The following IQGAP3 variants were observed in gnomAD, a reference collection of about 807,000 sequenced individuals.
IQGAP3 encodes the protein IQ motif containing GTPase activating protein 3.
IQGAP3 carries 165 observed loss-of-function variants against 208.2 expected under a neutral mutation model. The observed-to-expected ratio is 0.79, with a 90% CI of 0.70 to 0.90. IQGAP3 has a LOEUF of 0.90. IQGAP3 is among the 40% of genes least tolerant of loss of function. The pLI is 0.00. For synonymous variants in IQGAP3, 703 were observed against 803.6 expected, an observed-to-expected ratio of 0.87 and a Z score of 2.12; for missense variants, 1,811 against 2,043.1, an observed-to-expected ratio of 0.89 and a Z score of 2.19.
intron 4 of IQGAP3, among the ~76,000 whole-genome samples, chr1:156,565,336 C>A (rs2102442784): frequency 6.6e-6 from 1 of 152,280 alleles, no homozygotes; most frequent in South Asian, 2.1e-4. Context: ...ATTTAGAGAC[C>A]TAGAGTGTTC....
chr1:156,550,383 A>G (rs750907539), intron 15 of IQGAP3, 32 bp from the exon 16 acceptor site: 6 of 1,522,094 alleles, frequency 3.9e-6, no homozygotes, highest in Non-Finnish European at 3.6e-6. Context: ...AAAAGATGTG[A>G]CCCCAAGCTA....
At chr1:156,563,699 C>T (rs1676269550) in intron 6 of IQGAP3, 33 bp from the exon 7 acceptor site, 1 of 1,608,896 alleles carries the variant, frequency 6.2e-7, no homozygotes, top group Non-Finnish European at 8.5e-7. Context: ...CTTCATCAGG[C>T]CCAGAACCCC....
chr1:156,567,586 C>A (rs1165313933), intron 2 of IQGAP3, among the ~76,000 whole-genome samples: 1 of 152,178 alleles, frequency 6.6e-6, no homozygotes, highest in African/African-American at 2.4e-5. Flanking sequence ...GATGGAATCT[C>A]CAAACTTCCC....
rs1408844690 is a variant in IQGAP3 at position 156,526,092 on chromosome 1, G to C, written c.*394C>G. On this transcript the variant is annotated 3_prime_UTR_variant, in exon 38 of 38. Transcript: ENST00000361170. ...GGGGAGCCTGGCCCTGGCTTTGTGGGAGTGCAGAGAGAAGGAAGGCAGAGG... is the reference window on the plus strand; with the variant it reads ...GGGGAGCCTGGCCCTGGCTTTGTGGCAGTGCAGAGAGAAGGAAGGCAGAGG... The C allele has an allele frequency of 2.0e-5, 4 of 195,362 alleles. No homozygotes were observed. In the East Asian group the frequency reaches 4.8e-4, roughly 23 times the overall value. The allele number at this position is 195,362 out of a possible 1,614,324, so 12.1% of individuals were successfully genotyped here.
At chr1:156,561,076 C>T in intron 10 of IQGAP3, 55 bp from the exon 11 acceptor site, 2 of 1,320,982 alleles carry the variant, frequency 1.5e-6, no homozygotes, top group South Asian at 1.2e-5. Context: ...CATGACCATG[C>T]TTTACGAGTT....
intron 22 of IQGAP3, among the ~76,000 whole-genome samples, chr1:156,543,295 G>A (rs972414307): frequency 1.4e-4 from 22 of 152,170 alleles, no homozygotes; most frequent in Admixed American, 2.6e-4. Flanking sequence ...GGACAGGGGC[G>A]AAGAAGGACT....
intron 24 of IQGAP3, 35 bp from the exon 25 acceptor site, chr1:156,539,572 A>G: frequency 6.2e-7 from 1 of 1,608,220 alleles, no homozygotes; most frequent in Non-Finnish European, 8.5e-7. Context: ...ATGGCTGACC[A>G]TGCACTTCAA....
At chr1:156,571,101 A>G (rs184630719) in intron 1 of IQGAP3, among the ~76,000 whole-genome samples, 20 of 152,360 alleles carry the variant, frequency 1.3e-4, no homozygotes, top group African/African-American at 4.6e-4. Flanking sequence ...TCTTCAAGCT[A>G]AATAAAATAC....
At chr1:156,544,508 A>T in intron 19 of IQGAP3, 36 bp from the exon 20 acceptor site, 2 of 1,567,596 alleles carry the variant, frequency 1.3e-6, no homozygotes, top group Non-Finnish European at 1.8e-6. Flanking sequence ...TAACTCAAGC[A>T]GGTCTCCTTT....
At chr1:156,557,917 G>C (rs1353342811) in intron 11 of IQGAP3, among the ~76,000 whole-genome samples, 6 of 10,910 alleles carry the variant, frequency 5.5e-4, no homozygotes, top group Non-Finnish European at 1.0e-3. Context: ...CGCCCCGTCC[G>C]GGAGGGAGGT....
intron 15 of IQGAP3, among the ~76,000 whole-genome samples, chr1:156,551,382 A>G (rs1675539070): frequency 6.6e-6 from 1 of 152,212 alleles, no homozygotes; most frequent in South Asian, 2.1e-4. Context: ...GGAGCTGGGT[A>G]GGACCAGCGT....
chr1:156,534,857 G>T, intron 28 of IQGAP3, 124 bp from the exon 29 acceptor site: 2 of 735,134 alleles, frequency 2.7e-6, no homozygotes, highest in African/African-American at 1.8e-5. Flanking sequence ...AAAGAAAACA[G>T]GCCCAGAGCA....
At chr1:156,527,694 A>T (rs1019864693) in intron 37 of IQGAP3, among the ~76,000 whole-genome samples, 7 of 152,206 alleles carry the variant, frequency 4.6e-5, no homozygotes, top group African/African-American at 1.7e-4. Flanking sequence ...GGCTTCAAAT[A>T]TTAATCCTGC....
chr1:156,527,877 A>G (rs1674177291), intron 37 of IQGAP3, 75 bp downstream of exon 37: 1 of 966,716 alleles, frequency 1.0e-6, no homozygotes, highest in Admixed American at 1.9e-5. Context: ...TAGGAAAGTG[A>G]GGCCAGCTGC....
intron 8 of IQGAP3, 100 bp downstream of exon 8, chr1:156,563,034 T>G (rs1356066357): frequency 3.0e-6 from 3 of 1,012,696 alleles, no homozygotes; most frequent in Non-Finnish European, 4.4e-6. Flanking sequence ...TAAGAAGCAA[T>G]TTTGGATACT....
At position 156,563,595 on chromosome 1, in the gene IQGAP3, C is replaced by T. The variant is rs200795481; in HGVS notation, c.577G>A (p.Gly193Arg). Reference protein sequence around the residue: ...GLQLPAFSKIGGILANELSVD... With the variant: ...GLQLPAFSKIRGILANELSVD... ...GAGAGCTCATTGGCCAAGATGCCCC[C>T]GATCTTGCTGAAGGCAGGCAGCTGG... Residue 193 changes from glycine (G) to arginine (R), a missense_variant, in exon 7 of 38, where the codon GGG becomes AGG. Transcript: ENST00000361170. The T allele has an allele frequency of 4.3e-4, 690 of 1,613,782 alleles. No homozygotes were observed. The highest frequency in any genetic ancestry group is 5.6e-4 in the Non-Finnish European group (661 of 1,179,908).
chr1:156,554,300 G>C lies in IQGAP3; in HGVS notation c.1383C>G (p.Gly461=). 1 of 1,614,158 alleles carries C rather than the reference G, an allele frequency of 6.2e-7. No homozygotes were observed. Among genetic ancestry groups the C allele is most frequent in the Non-Finnish European group, 8.5e-7 (1 of 1,180,014 alleles). The change falls in exon 13 of 38, where the codon GGC becomes GGG. Residue 461 remains glycine (G), a synonymous_variant. Transcript: ENST00000361170. ...NRALEARDAS[G]FWSSLVNPAT... ...CAGGGTTCACCAGGCTGCTCCAGAA[G>C]CCACTGGCATCCCGGGCCTCCAGGG...
At chr1:156,535,064 G>T in intron 28 of IQGAP3, 99 bp downstream of exon 28, 1 of 923,178 alleles carries the variant, frequency 1.1e-6, no homozygotes, top group South Asian at 1.4e-5. Flanking sequence ...GGATTTTTAT[G>T]GCATAGGATT....
At position 156,565,987 on chromosome 1, in the gene IQGAP3, A is replaced by G. The variant is rs772431027; in HGVS notation, c.360+40T>C. ...ATGGGATTGTGGGAGGTGGCTGGTA[A>G]GGAGTAAAGATGAATACCAATCTTC... On this transcript the variant is annotated intron_variant, in intron 4 of 37. Transcript: ENST00000361170. 5 of 1,464,274 alleles carry G rather than the reference A, an allele frequency of 3.4e-6. No homozygotes were observed. The East Asian group carries it at 1.1e-4, about 33-fold the overall frequency. 90.7% of individuals were successfully genotyped at this position (1,464,274 alleles called of 1,614,324 possible). A position where few individuals can be genotyped will look rare whatever the true frequency, so the allele number is the denominator to read the frequency against.
Sources: allele counts gnomAD v4.1 joint callset (sites outside exome capture counted in the v4.1 genomes callset), GRCh38; gene constraint gnomAD v4.1.1; transcripts MANE v1.5; gene names NCBI Gene and HGNC (gene_info 2026-07-23, HGNC 2026-07-21).